The following SUCO variants were observed in gnomAD, a reference collection of about 807,000 sequenced individuals.
SUCO encodes SUN domain-containing ossification factor.
A neutral mutation model predicts 148.1 loss-of-function variants in SUCO; 57 were observed. That is an observed-to-expected ratio of 0.38 (90% CI 0.31 to 0.48). The LOEUF (loss-of-function observed/expected upper bound fraction) is 0.48. Ranked by LOEUF, SUCO falls within the 20% of genes least tolerant of loss-of-function variation. The pLI, the probability that SUCO is intolerant of heterozygous loss-of-function variation, is 0.96. For missense variants in SUCO, 1,331 were observed against 1,468.2 expected (o/e 0.91, Z 1.53); for synonymous variants, 470 against 502.7 (o/e 0.93, Z 0.87).
At chr1:172,557,911 CA>C in intron 6 of SUCO, 117 bp downstream of exon 6, 2 of 791,764 alleles carry the variant, frequency 2.5e-6, no homozygotes, top group South Asian at 4.3e-5. Context: ...ATTAAGTAGA[CA>C]ATAACATGTG....
chr1:172,542,267 A>C (rs1652523320), intron 1 of SUCO, among the ~76,000 whole-genome samples: 1 of 152,026 alleles, frequency 6.6e-6, no homozygotes, highest in Non-Finnish European at 1.5e-5. Flanking sequence ...CTGTAATCCC[A>C]CCTACTTGGG....
At chr1:172,567,803 C>G (rs1654662856) in intron 6 of SUCO, among the ~76,000 whole-genome samples, 1 of 152,178 alleles carries the variant, frequency 6.6e-6, no homozygotes, top group Admixed American at 6.5e-5. Context: ...ATAGATTTCT[C>G]TTGGCTCAAC....
intron 9 of SUCO, among the ~76,000 whole-genome samples, chr1:172,571,523 G>A (rs934585038): frequency 3.4e-5 from 5 of 149,150 alleles, no homozygotes; most frequent in Non-Finnish European, 4.5e-5. Context: ...GCCGCCCATC[G>A]TCTGGGACGT....
At chr1:172,551,653 A>G in intron 2 of SUCO, 27 bp downstream of exon 2, 1 of 1,414,414 alleles carries the variant, frequency 7.1e-7, no homozygotes, top group Non-Finnish European at 9.9e-7. Context: ...TAACATTATA[A>G]TTTGTGTGTC....
intron 9 of SUCO, 125 bp downstream of exon 9, chr1:172,570,855 A>G (rs1654909920): frequency 5.0e-6 from 3 of 605,090 alleles, no homozygotes; most frequent in South Asian, 5.6e-5. Context: ...TAGTGCTGAT[A>G]CTATGCAAAA....
Position 172,578,318 on chromosome 1 carries a change from T to C in SUCO, c.1361T>C (p.Val454Ala). ...SLIRVFGTSMVEEYEEIADSQ... is the reference protein window; with the variant it reads ...SLIRVFGTSMAEEYEEIADSQ... ...GATAGGGTATTTGGCACTAGCATGG[T>C]GGAAGAATATGAAGAAATTGCTGAT... The change falls in exon 14 of 24, where the codon GTG becomes GCG. Residue 454 changes from valine to alanine, a missense_variant. Coordinates refer to ENST00000263688, the MANE Select transcript of SUCO (RefSeq NM_014283.5). 2 of 1,612,004 alleles carry C rather than the reference T, an allele frequency of 1.2e-6. No homozygotes were observed. Among genetic ancestry groups the C allele is most frequent in the Non-Finnish European group, 1.7e-6 (2 of 1,178,324 alleles).
At chr1:172,570,598 G>A in intron 8 of SUCO, 65 bp from the exon 9 acceptor site, 1 of 1,149,494 alleles carries the variant, frequency 8.7e-7, no homozygotes, top group Non-Finnish European at 1.3e-6. Context: ...AAACTTTAAA[G>A]TTAAAATAAA....
rs1413038340 is a variant in SUCO at position 172,610,770 on chromosome 1, TCAGA to T, written c.*515_*518del. 6.5e-6 allele frequency: 1 copy of T among 152,758 alleles called. No homozygotes were observed. Among genetic ancestry groups the T allele is most frequent in the Non-Finnish European group, 1.5e-5 (1 of 68,156 alleles). The allele number at this position is 152,758 out of a possible 1,614,324, so 9.5% of individuals were successfully genotyped here. ...TGTGCCTGAAGCTCAGGAGTGTGGATCAGACAGTCTAAAGATCCTAAAAACTTGC... is the reference window on the plus strand; with the variant it reads ...TGTGCCTGAAGCTCAGGAGTGTGGATCAGTCTAAAGATCCTAAAAACTTGC... On this transcript the variant is annotated 3_prime_UTR_variant, in exon 24 of 24. Coordinates refer to ENST00000263688, the MANE Select transcript of SUCO (RefSeq NM_014283.5).
At chr1:172,533,136 C>A (rs1357800074), upstream of SUCO, 1 of 1,438,800 alleles carries the variant, frequency 7.0e-7, no homozygotes, top group Non-Finnish European at 9.1e-7. Context: ...AGGCCCCCGG[C>A]GGGCGGGGAG....
Sources: gnomAD v4.1 joint callset for allele counts (sites outside exome capture counted in the v4.1 genomes callset) on GRCh38, gnomAD v4.1.1 for gene constraint, MANE v1.5 for transcripts, NCBI Gene and HGNC (gene_info 2026-07-23, HGNC 2026-07-21) for gene names.